The following UBE3C variants were observed in gnomAD, a reference collection of about 807,000 sequenced individuals.
The protein encoded by UBE3C is ubiquitin-protein ligase E3C.
In UBE3C, 42 loss-of-function variants were observed where a neutral mutation model predicts 129.4. That is an observed-to-expected ratio of 0.32 (90% CI 0.25 to 0.42). The LOEUF is 0.42. Among genes scored for constraint, UBE3C ranks in the 10% least tolerant of loss-of-function variants. The pLI is 1.00. For missense variants in UBE3C, 1,049 were observed against 1,319.1 expected (o/e 0.80, Z 3.17); for synonymous variants, 510 against 492.4 (o/e 1.04, Z -0.47).
intron 21 of UBE3C, 142 bp from the exon 22 acceptor site, chr7:157,256,772 T>TA: frequency 1.0e-6 from 1 of 999,256 alleles, no homozygotes; most frequent in South Asian, 1.6e-5. Flanking sequence ...ACACAGGTGA[T>TA]ACACACATGC....
intron 10 of UBE3C, among the ~76,000 whole-genome samples, chr7:157,187,571 GTGTT>G (rs1314581347): frequency 2.0e-4 from 30 of 148,534 alleles, no homozygotes; most frequent in Admixed American, 1.6e-3. Flanking sequence ...GTGTGTGTGT[GTGTT>G]TGTTTTTTGT....
At chr7:157,207,323 TTA>T in intron 11 of UBE3C, 73 bp from the exon 12 acceptor site, 1 of 1,545,916 alleles carries the variant, frequency 6.5e-7, no homozygotes, top group Middle Eastern at 1.7e-4. Flanking sequence ...TTGTTTGATG[TTA>T]TGTTTTAATT....
At chr7:157,193,300 T>C (rs1809025070) in intron 10 of UBE3C, among the ~76,000 whole-genome samples, 1 of 152,012 alleles carries the variant, frequency 6.6e-6, no homozygotes, top group African/African-American at 2.4e-5. Flanking sequence ...GAAGAACAAA[T>C]TATTGCCTTT....
intron 6 of UBE3C, among the ~76,000 whole-genome samples, chr7:157,180,265 T>G (rs2116917732): frequency 6.6e-6 from 1 of 152,370 alleles, no homozygotes; most frequent in Admixed American, 6.5e-5. Context: ...AACAGAACCT[T>G]TGTCATGTTG....
At chr7:157,246,942 G>C (rs1796492090) in intron 18 of UBE3C, among the ~76,000 whole-genome samples, 1 of 152,208 alleles carries the variant, frequency 6.6e-6, no homozygotes, top group African/African-American at 2.4e-5. Flanking sequence ...CCAGACTGGA[G>C]TGCAGTGGCA....
At chr7:157,155,193 G>T (rs999501233) in intron 1 of UBE3C, among the ~76,000 whole-genome samples, 1 of 151,468 alleles carries the variant, frequency 6.6e-6, no homozygotes, top group Non-Finnish European at 1.5e-5. Flanking sequence ...CCCTCCACAC[G>T]CACACACACA....
chr7:157,163,738 C>A, intron 1 of UBE3C, 72 bp from the exon 2 acceptor site: 1 of 1,517,586 alleles, frequency 6.6e-7, no homozygotes, highest in Non-Finnish European at 9.0e-7. Flanking sequence ...TGAAAACATT[C>A]TGTAATTTTT....
At chr7:157,164,008 C>A in intron 2 of UBE3C, 145 bp downstream of exon 2, 1 of 766,192 alleles carries the variant, frequency 1.3e-6, no homozygotes, top group Non-Finnish European at 2.0e-6. Flanking sequence ...GCTTTAGAAA[C>A]ATTTATTCTG....
chr7:157,210,948 C>G (rs1809574512), intron 13 of UBE3C, among the ~76,000 whole-genome samples: 2 of 152,216 alleles, frequency 1.3e-5, no homozygotes. Flanking sequence ...TGTCTTGACA[C>G]TGCTAAAACA....
intron 22 of UBE3C, among the ~76,000 whole-genome samples, chr7:157,265,367 G>C (rs185983109): frequency 1.6e-4 from 25 of 152,354 alleles, no homozygotes; most frequent in African/African-American, 5.3e-4. Flanking sequence ...GAGGCAAATA[G>C]CTAATGGTGT....
chr7:157,178,544 C>A, intron 5 of UBE3C, 146 bp from the exon 6 acceptor site: 1 of 791,712 alleles, frequency 1.3e-6, no homozygotes, highest in Non-Finnish European at 1.9e-6. Flanking sequence ...TGGATGATTT[C>A]CCTGTCTATC....
rs762838890 is a variant in UBE3C at position 157,207,409 on chromosome 7, C to T, written c.1430C>T (p.Pro477Leu). Residue 477 changes from proline to leucine, a missense_variant, in exon 12 of 23, where the codon CCG becomes CTG. Physicochemically the swap from Pro to Leu is moderately conservative, Grantham distance 98 (BLOSUM62 -3). Around this residue, in one of 4 missense-constraint regions of UBE3C, gnomAD observed 314 missense variants for 416.9 expected, o/e 0.75. Transcript: ENST00000348165. ...TTCTTTAATTCAAGGTCTATGGTAC[C>T]GTTGCTTCAGGTGATATCCAGGGGT... ...STRMITGSMVPLLQVISRGSP... is the reference protein window; with the variant it reads ...STRMITGSMVLLLQVISRGSP... 8.3e-5 allele frequency: 133 copies of T among 1,611,946 alleles called. No homozygotes were observed. Among genetic ancestry groups the T allele is most frequent in the Non-Finnish European group, 1.1e-4 (128 of 1,179,678 alleles).
At chr7:157,235,021 G>A (rs571949441) in intron 18 of UBE3C, among the ~76,000 whole-genome samples, 3 of 152,164 alleles carry the variant, frequency 2.0e-5, no homozygotes, top group East Asian at 1.9e-4. Flanking sequence ...GAGAAACCCC[G>A]TCTCTACTAA....
intron 1 of UBE3C, among the ~76,000 whole-genome samples, chr7:157,162,401 G>A (rs958023536): frequency 6.6e-6 from 1 of 151,970 alleles, no homozygotes; most frequent in Non-Finnish European, 1.5e-5. Context: ...CACTGTGTTG[G>A]CCAGGCTGGT....
chr7:157,184,066 C>G, intron 9 of UBE3C, 37 bp downstream of exon 9: 1 of 1,601,566 alleles, frequency 6.2e-7, no homozygotes, highest in East Asian at 2.2e-5. Context: ...GGCTGCGATG[C>G]AGGCAGCCCC....
chr7:157,205,203 G>T (rs1809399729), intron 11 of UBE3C, among the ~76,000 whole-genome samples: 1 of 152,216 alleles, frequency 6.6e-6, no homozygotes, highest in African/African-American at 2.4e-5. Context: ...TGCCCTGTCT[G>T]CAGGGCAGCA....
At chr7:157,191,811 C>T (rs1443776099) in intron 10 of UBE3C, among the ~76,000 whole-genome samples, 1 of 152,010 alleles carries the variant, frequency 6.6e-6, no homozygotes, top group African/African-American at 2.4e-5. Context: ...ATATACCGTC[C>T]ATGTGTTTGT....
intron 15 of UBE3C, chr7:157,222,036 A>AT (rs1240220300): frequency 6.6e-6 from 1 of 151,878 alleles, no homozygotes; most frequent in East Asian, 1.9e-4. Flanking sequence ...CACCTGGCCA[A>AT]TTTTTTAATT....
intron 10 of UBE3C, 61 bp from the exon 11 acceptor site, chr7:157,201,656 TTTAA>T: frequency 1.4e-6 from 1 of 691,572 alleles, no homozygotes; most frequent in Non-Finnish European, 2.1e-6. Flanking sequence ...TTTTTTTTTT[TTTAA>T]GAAATGTTTT....
Sources: gnomAD v4.1 joint callset for allele counts (sites outside exome capture counted in the v4.1 genomes callset) on GRCh38, gnomAD v4.1.1 for gene constraint, gnomAD v4.1.1 regional missense constraint, MANE v1.5 for transcripts, NCBI Gene and HGNC (gene_info 2026-07-23, HGNC 2026-07-21) for gene names.